The following CSRNP3 variants were observed in gnomAD, a reference collection of about 807,000 sequenced individuals.
CSRNP3 encodes cysteine and serine rich nuclear protein 3.
In CSRNP3, 12 loss-of-function variants were observed where a neutral mutation model predicts 48.0. That is an observed-to-expected ratio of 0.25 (90% CI 0.16 to 0.41). The LOEUF is 0.41. Ranked by LOEUF, CSRNP3 falls within the 10% of genes least tolerant of loss-of-function variation. CSRNP3 has a pLI of 1.00. For missense variants in CSRNP3, 580 were observed against 724.4 expected (o/e 0.80, Z 2.29); for synonymous variants, 263 against 269.7 (o/e 0.98, Z 0.24).
intron 3 of CSRNP3, among the ~76,000 whole-genome samples, chr2:165,528,730 C>A (rs1684771709): frequency 6.6e-6 from 1 of 152,102 alleles, no homozygotes; most frequent in African/African-American, 2.4e-5. Flanking sequence ...ACTATTATTT[C>A]TTTGTAATAT....
At chr2:165,676,036 C>G (rs867312948) in intron 5 of CSRNP3, among the ~76,000 whole-genome samples, 2 of 152,130 alleles carry the variant, frequency 1.3e-5, no homozygotes. Flanking sequence ...TCACATAGCA[C>G]TCTCTAAAAG....
chr2:165,633,410 C>T (rs935468310), intron 4 of CSRNP3, among the ~76,000 whole-genome samples: 2 of 152,118 alleles, frequency 1.3e-5, no homozygotes, highest in Non-Finnish European at 1.5e-5. Context: ...TGTTATTTTT[C>T]TAGGATTTCT....
intron 3 of CSRNP3, among the ~76,000 whole-genome samples, chr2:165,532,746 A>G (rs1191515969): frequency 2.0e-5 from 3 of 152,166 alleles, no homozygotes; most frequent in Non-Finnish European, 1.5e-5. Context: ...AGGATATTCA[A>G]TTAGGAAAAG....
intron 2 of CSRNP3, among the ~76,000 whole-genome samples, chr2:165,498,171 G>C (rs1206277605): frequency 6.6e-6 from 1 of 151,992 alleles, no homozygotes; most frequent in Non-Finnish European, 1.5e-5. Flanking sequence ...CAAACATGTT[G>C]TTTTACATTT....
chr2:165,598,085 C>T (rs1384536588), intron 4 of CSRNP3, among the ~76,000 whole-genome samples: 1 of 152,022 alleles, frequency 6.6e-6, no homozygotes, highest in African/African-American at 2.4e-5. Context: ...ATATTAAAAA[C>T]AAGGTGAAAA....
intron 6 of CSRNP3, among the ~76,000 whole-genome samples, chr2:165,677,174 A>G (rs976626853): frequency 4.6e-5 from 7 of 152,220 alleles, no homozygotes; most frequent in Non-Finnish European, 1.0e-4. Context: ...TTGGCACCCT[A>G]TAAGTTCACA....
chr2:165,535,664 A>G (rs1157727554), intron 3 of CSRNP3, among the ~76,000 whole-genome samples: 2 of 151,806 alleles, frequency 1.3e-5, no homozygotes, highest in African/African-American at 4.8e-5. Context: ...ATGATGAGAG[A>G]GAATAAAAAT....
intron 4 of CSRNP3, among the ~76,000 whole-genome samples, chr2:165,634,187 A>G (rs1341303844): frequency 1.3e-5 from 2 of 152,112 alleles, no homozygotes; most frequent in Non-Finnish European, 2.9e-5. Flanking sequence ...AAAAATACAA[A>G]AAATTAGCCA....
intron 3 of CSRNP3, among the ~76,000 whole-genome samples, chr2:165,586,565 C>A (rs1255002590): frequency 6.6e-6 from 1 of 152,096 alleles, no homozygotes; most frequent in Non-Finnish European, 1.5e-5. Flanking sequence ...AATCTGACAA[C>A]CCTAAGAGGT....
chr2:165,475,528 C>T (rs1222223860), intron 1 of CSRNP3, among the ~76,000 whole-genome samples: 3 of 152,214 alleles, frequency 2.0e-5, no homozygotes, highest in African/African-American at 7.2e-5. Context: ...CCCTTTCGCT[C>T]ACTATCTAAA....
At chr2:165,578,808 G>A (rs779159634) in intron 3 of CSRNP3, among the ~76,000 whole-genome samples, 7 of 152,112 alleles carry the variant, frequency 4.6e-5, no homozygotes, top group Admixed American at 1.3e-4. Context: ...ATCGTGGAAT[G>A]TGAAGAGGCT....
At chr2:165,523,968 C>A (rs978542990) in intron 3 of CSRNP3, among the ~76,000 whole-genome samples, 1 of 152,140 alleles carries the variant, frequency 6.6e-6, no homozygotes, top group Non-Finnish European at 1.5e-5. Context: ...TACCTCCAAC[C>A]CTATTCTTCA....
chr2:165,676,658 C>T (rs1687431062), intron 6 of CSRNP3, 50 bp downstream of exon 6: 1 of 1,537,730 alleles, frequency 6.5e-7, no homozygotes, highest in Non-Finnish European at 8.9e-7. Flanking sequence ...TGTCTACCAC[C>T]CCCTAAGGAG....
chr2:165,674,312 T>C (rs12692775), intron 5 of CSRNP3, among the ~76,000 whole-genome samples: 103,326 of 151,824 alleles, frequency 0.68, 36,183 homozygotes, highest in South Asian at 0.77. Flanking sequence ...TTCCTTTCTG[T>C]TACTACAGCT....
intron 3 of CSRNP3, among the ~76,000 whole-genome samples, chr2:165,569,524 CAA>C (rs975342547): frequency 1.3e-5 from 2 of 152,002 alleles, no homozygotes; most frequent in Non-Finnish European, 2.9e-5. Flanking sequence ...AACAAGCTAA[CAA>C]AGAGTCAATT....
chr2:165,677,960 A>G (rs928049616), intron 6 of CSRNP3, among the ~76,000 whole-genome samples: 8 of 152,134 alleles, frequency 5.3e-5, no homozygotes, highest in African/African-American at 1.9e-4. Context: ...CTTCAAGAAG[A>G]TTGTATCTAA....
chr2:165,523,340 C>T (rs1286097219), intron 3 of CSRNP3, among the ~76,000 whole-genome samples: 3 of 152,202 alleles, frequency 2.0e-5, no homozygotes, highest in African/African-American at 7.2e-5. Flanking sequence ...ACACTCCTAT[C>T]CAAAAAAGCA....
intron 3 of CSRNP3, among the ~76,000 whole-genome samples, chr2:165,573,805 C>G (rs1038984672): frequency 6.6e-6 from 1 of 152,090 alleles, no homozygotes; most frequent in African/African-American, 2.4e-5. Context: ...AAAAGAAATA[C>G]CCCATGTGCC....
chr2:165,603,539 T>G (rs1343747437), intron 4 of CSRNP3, among the ~76,000 whole-genome samples: 1 of 152,176 alleles, frequency 6.6e-6, no homozygotes, highest in Admixed American at 6.5e-5. Context: ...CATCCACTTT[T>G]TTTTAACCTC....
Sources: gnomAD v4.1 joint callset for allele counts (sites outside exome capture counted in the v4.1 genomes callset) on GRCh38, gnomAD v4.1.1 for gene constraint, MANE v1.5 for transcripts, NCBI Gene and HGNC (gene_info 2026-07-23, HGNC 2026-07-21) for gene names.